The following RANBP17 variants were observed in gnomAD, a reference collection of about 807,000 sequenced individuals.
RANBP17 encodes the protein ran-binding protein 17.
Under a neutral mutation model 141.2 loss-of-function variants are expected in RANBP17, and 158 were observed. That is an observed-to-expected ratio of 1.12 (90% CI 0.98 to 1.28). The LOEUF is 1.28. Ranked by LOEUF, RANBP17 falls within the 50% of genes most tolerant of loss-of-function variation. The pLI is 0.00. For synonymous variants in RANBP17, 430 were observed against 450.0 expected, an observed-to-expected ratio of 0.96 and a Z score of 0.56; for missense variants, 1,438 against 1,290.7, an observed-to-expected ratio of 1.11 and a Z score of -1.75.
At chr5:171,149,838 C>A (rs574816588) in intron 14 of RANBP17, among the ~76,000 whole-genome samples, 8 of 152,198 alleles carry the variant, frequency 5.3e-5, no homozygotes, top group Non-Finnish European at 8.8e-5. Context: ...GTGAGAGAAA[C>A]CTCAAAGAAG....
chr5:171,168,832 C>G (rs1196513004), intron 14 of RANBP17, among the ~76,000 whole-genome samples: 1 of 151,954 alleles, frequency 6.6e-6, no homozygotes, highest in Non-Finnish European at 1.5e-5. Context: ...GTCTTCCTTT[C>G]TCTCTCTCTG....
At chr5:170,957,453 T>C (rs955047478) in intron 13 of RANBP17, among the ~76,000 whole-genome samples, 1 of 152,206 alleles carries the variant, frequency 6.6e-6, no homozygotes, top group African/African-American at 2.4e-5. Flanking sequence ...AAAATGTGTT[T>C]CTAATCCCAA....
chr5:170,981,266 A>G (rs1245506672), intron 14 of RANBP17, among the ~76,000 whole-genome samples: 1 of 149,358 alleles, frequency 6.7e-6, no homozygotes, highest in Non-Finnish European at 1.5e-5. Flanking sequence ...GTGGACTTTG[A>G]GTTAATGCTG....
intron 14 of RANBP17, chr5:171,158,491 C>A (rs1304426462): frequency 5.4e-6 from 1 of 184,310 alleles, no homozygotes; most frequent in Non-Finnish European, 1.2e-5. Context: ...ATCTCCTATG[C>A]CCAGTAAGTT....
intron 24 of RANBP17, among the ~76,000 whole-genome samples, chr5:171,249,203 A>G (rs1402454787): frequency 1.3e-5 from 2 of 152,172 alleles, no homozygotes; most frequent in Non-Finnish European, 2.9e-5. Flanking sequence ...CTACACTACT[A>G]TACTACTGCA....
At chr5:170,925,257 A>G (rs1430072068) in intron 12 of RANBP17, among the ~76,000 whole-genome samples, 2 of 152,132 alleles carry the variant, frequency 1.3e-5, no homozygotes, top group African/African-American at 4.8e-5. Context: ...TAACTTAAAA[A>G]AATTTTTAGA....
At chr5:170,949,725 A>G (rs1376921425) in intron 12 of RANBP17, among the ~76,000 whole-genome samples, 1 of 152,196 alleles carries the variant, frequency 6.6e-6, no homozygotes, top group Non-Finnish European at 1.5e-5. Context: ...TTCTAAGTAT[A>G]CTCAAGAGAA....
At chr5:171,205,445 G>T in intron 19 of RANBP17, 79 bp from the exon 20 acceptor site, 2 of 1,127,950 alleles carry the variant, frequency 1.8e-6, no homozygotes, top group South Asian at 1.3e-5. Flanking sequence ...CAGATATGTG[G>T]TCATTATTGC....
intron 5 of RANBP17, among the ~76,000 whole-genome samples, chr5:170,909,220 A>T (rs1771322627): frequency 1.3e-5 from 2 of 151,880 alleles, no homozygotes; most frequent in South Asian, 4.1e-4. Context: ...AGATATATGA[A>T]CTAATGACAT....
chr5:171,042,305 A>G (rs1208058925), intron 14 of RANBP17, among the ~76,000 whole-genome samples: 3 of 152,062 alleles, frequency 2.0e-5, no homozygotes, highest in Non-Finnish European at 4.4e-5. Context: ...AGTTATATAT[A>G]GTTAACTATA....
At chr5:171,155,122 TAC>T (rs375832271) in intron 14 of RANBP17, among the ~76,000 whole-genome samples, 6,919 of 134,522 alleles carry the variant, frequency 0.051, 252 homozygotes, top group East Asian at 0.097. Flanking sequence ...TATATATATG[TAC>T]ACACACACAC....
intron 25 of RANBP17, among the ~76,000 whole-genome samples, chr5:171,267,331 A>G (rs1428321194): frequency 2.0e-5 from 3 of 151,814 alleles, no homozygotes; most frequent in African/African-American, 4.8e-5. Flanking sequence ...GGTGTGAGCC[A>G]CTGCACCTAG....
chr5:170,984,467 A>C (rs971118357), intron 14 of RANBP17, among the ~76,000 whole-genome samples: 1 of 152,014 alleles, frequency 6.6e-6, no homozygotes, highest in South Asian at 2.1e-4. Context: ...CTCTACAAAA[A>C]ATTCTAAAAA....
chr5:171,270,327 A>C (rs1767011296), intron 25 of RANBP17, among the ~76,000 whole-genome samples: 1 of 152,226 alleles, frequency 6.6e-6, no homozygotes, highest in Admixed American at 6.5e-5. Flanking sequence ...AAGTAAGTGA[A>C]TCTATTTGAA....
chr5:171,261,251 T>C (rs1218451110), intron 24 of RANBP17, among the ~76,000 whole-genome samples: 1 of 152,108 alleles, frequency 6.6e-6, no homozygotes, highest in Non-Finnish European at 1.5e-5. Context: ...ATGCCAAACC[T>C]TACAAAGCAG....
chr5:171,000,314 A>G (rs1779113522), intron 14 of RANBP17, among the ~76,000 whole-genome samples: 1 of 152,162 alleles, frequency 6.6e-6, no homozygotes, highest in Non-Finnish European at 1.5e-5. Context: ...GCTCTTTTCT[A>G]CAGCAGTTGT....
At chr5:170,910,439 T>G (rs1771436851) in intron 6 of RANBP17, 1 of 152,608 alleles carries the variant, frequency 6.6e-6, no homozygotes, top group Admixed American at 6.5e-5. Flanking sequence ...TTCTATTATC[T>G]TAAAATTTTT....
rs375668977 is a variant in RANBP17, at chr5:171,096,041, GA to G, written c.1711-74087del. Among the ~76,000 whole-genome samples, 30 of 152,258 alleles carry G rather than the reference GA, an allele frequency of 2.0e-4. No individual in the cohort carries two copies. The East Asian group carries it at 3.5e-3, about 18-fold the overall frequency. On this transcript the variant is annotated intron_variant, in intron 14 of 27. Transcript: ENST00000523189. ...TCATGTCAAGGATGCTGGAGGAGGG[GA>G]AGGGGCTGGTCTTAGTGTCTCAGAG...
At chr5:170,968,163 A>T (rs1776723647) in intron 13 of RANBP17, 79 bp from the exon 14 acceptor site, 1 of 1,012,190 alleles carries the variant, frequency 9.9e-7, no homozygotes, top group Non-Finnish European at 1.4e-6. Flanking sequence ...ATGTTATATT[A>T]CATTTATGGT....
Sources: gnomAD v4.1 joint callset for allele counts (sites outside exome capture counted in the v4.1 genomes callset) on GRCh38, gnomAD v4.1.1 for gene constraint, MANE v1.5 for transcripts, NCBI Gene and HGNC (gene_info 2026-07-23, HGNC 2026-07-21) for gene names.